TSHZ3: variants seen among roughly 807,000 people sequenced by gnomAD.
TSHZ3 encodes the protein teashirt homolog 3.
Under a neutral mutation model 64.5 loss-of-function variants are expected in TSHZ3, and 10 were observed. The ratio of observed to expected loss-of-function variants is 0.16; its 90% CI spans 0.10 to 0.26. The LOEUF (loss-of-function observed/expected upper bound fraction) is 0.26. Ranked by LOEUF, TSHZ3 falls within the 10% of genes least tolerant of loss-of-function variation. The pLI is 1.00. For missense variants in TSHZ3, 1,242 were observed against 1,421.7 expected, an observed-to-expected ratio of 0.87 and a Z score of 2.03; for synonymous variants, 608 against 593.1, an observed-to-expected ratio of 1.03 and a Z score of -0.36.
At chr19:31,348,410 GA>G (rs2021578221) in intron 1 of TSHZ3, among the ~76,000 whole-genome samples, 1 of 117,672 alleles carries the variant, frequency 8.5e-6, no homozygotes, top group Non-Finnish European at 1.8e-5. Flanking sequence ...TTCCAGAAAA[GA>G]AAAGAAAAAA....
intron 1 of TSHZ3, among the ~76,000 whole-genome samples, chr19:31,310,337 T>A (rs944502779): frequency 3.3e-5 from 5 of 152,052 alleles, no homozygotes; most frequent in Non-Finnish European, 7.4e-5. Flanking sequence ...CAGTCTTCCT[T>A]CATCTTCCTA....
chr19:31,158,708 C>G (rs562618125), intron 5 of TSHZ3, among the ~76,000 whole-genome samples: 2 of 152,082 alleles, frequency 1.3e-5, no homozygotes, highest in Admixed American at 6.6e-5. Context: ...TCAGTGGGAG[C>G]CCTGAACTCA....
intron 5 of TSHZ3, among the ~76,000 whole-genome samples, chr19:31,176,513 A>T (rs1213760105): frequency 6.6e-6 from 1 of 152,210 alleles, no homozygotes; most frequent in Non-Finnish European, 1.5e-5. Context: ...AACCACAATG[A>T]GTCCAAGCAT....
exon 7 of TSHZ3, among the ~76,000 whole-genome samples, chr19:31,150,040 T>C (rs1029365096): frequency 1.3e-5 from 2 of 152,152 alleles, no homozygotes; most frequent in Admixed American, 6.5e-5. Context: ...ACAGATGAAA[T>C]CATGTGGAGG....
At position 31,343,327 on chromosome 19, in the gene TSHZ3, A is replaced by T. The variant is rs146555869; in HGVS notation, c.40+5853T>A. 2.6e-5 allele frequency among the ~76,000 whole-genome samples: 4 copies of T among 152,350 alleles called. No individual in the cohort carries two copies. In the East Asian group the frequency reaches 7.7e-4, roughly 29 times the overall value. On this transcript the variant is annotated intron_variant, in intron 1 of 1. Transcript: ENST00000240587. ...AGGTAAGGAGATGGTTAAAATGTCCAGGTAACGTGACCTTCAGTGAACTAC... is the reference window on the plus strand; with the variant it reads ...AGGTAAGGAGATGGTTAAAATGTCCTGGTAACGTGACCTTCAGTGAACTAC...
intron 1 of TSHZ3, among the ~76,000 whole-genome samples, chr19:31,310,436 G>C (rs1006415939): frequency 1.3e-5 from 2 of 152,150 alleles, no homozygotes; most frequent in Admixed American, 1.3e-4. Context: ...GTCCAGGGTG[G>C]TCTGCAAGTA....
intron 5 of TSHZ3, among the ~76,000 whole-genome samples, chr19:31,186,346 T>G (rs1178768227): frequency 1.3e-5 from 2 of 152,154 alleles, no homozygotes; most frequent in Non-Finnish European, 2.9e-5. Context: ...AATAGAATCA[T>G]GGGGGGCGGT....
At chr19:31,313,634 G>A (rs1020076837) in intron 1 of TSHZ3, among the ~76,000 whole-genome samples, 1 of 152,228 alleles carries the variant, frequency 6.6e-6, no homozygotes, top group Non-Finnish European at 1.5e-5. Context: ...CCAGGAAACA[G>A]GCAGCGACAT....
chr19:31,259,652 A>T (rs1009456277), intron 1 of TSHZ3, among the ~76,000 whole-genome samples: 5 of 136,816 alleles, frequency 3.7e-5, no homozygotes, highest in African/African-American at 1.1e-4. Context: ...TGCTGGAAAT[A>T]AAAAAAAAAA....
At chr19:31,332,874 G>A (rs1220843767) in intron 1 of TSHZ3, among the ~76,000 whole-genome samples, 1 of 152,016 alleles carries the variant, frequency 6.6e-6, no homozygotes, top group East Asian at 1.9e-4. Flanking sequence ...TGGAGACCGA[G>A]GAGGGTAGAC....
chr19:31,187,955 G>T (rs1271540114), intron 5 of TSHZ3, among the ~76,000 whole-genome samples: 1 of 151,992 alleles, frequency 6.6e-6, no homozygotes, highest in Non-Finnish European at 1.5e-5. Flanking sequence ...TCAAAGAGAA[G>T]TCTGCTGGAA....
chr19:31,281,278 A>G (rs994723685), intron 1 of TSHZ3, among the ~76,000 whole-genome samples: 1 of 152,138 alleles, frequency 6.6e-6, no homozygotes, highest in Non-Finnish European at 1.5e-5. Flanking sequence ...AGTCCCTTGA[A>G]GTCAAGCAGA....
chr19:31,243,224 C>G (rs1037874983), intron 1 of TSHZ3, among the ~76,000 whole-genome samples: 9 of 152,148 alleles, frequency 5.9e-5, no homozygotes, highest in African/African-American at 2.2e-4. Context: ...TACTTCATAC[C>G]TGTCATTGAT....
chr19:31,324,764 G>A (rs1175276319), intron 1 of TSHZ3, among the ~76,000 whole-genome samples: 1 of 152,146 alleles, frequency 6.6e-6, no homozygotes, highest in Non-Finnish European at 1.5e-5. Context: ...CAAGTCCAGA[G>A]GGGAAAACCC....
At chr19:31,260,085 C>T (rs1975965718) in intron 1 of TSHZ3, among the ~76,000 whole-genome samples, 1 of 152,184 alleles carries the variant, frequency 6.6e-6, no homozygotes, top group South Asian at 2.1e-4. Flanking sequence ...AGAGGGCAGA[C>T]ATGGGCCTCC....
chr19:31,253,193 G>A (rs904086203), intron 1 of TSHZ3, among the ~76,000 whole-genome samples: 1 of 152,300 alleles, frequency 6.6e-6, no homozygotes, highest in Admixed American at 6.5e-5. Context: ...AGGGACAGGG[G>A]TAGTTGGGGT....
chr19:31,160,723 TAC>T (rs559926545), intron 5 of TSHZ3, among the ~76,000 whole-genome samples: 1 of 151,544 alleles, frequency 6.6e-6, no homozygotes, highest in African/African-American at 2.4e-5. Context: ...TATATACACA[TAC>T]ACACACGTAT....
At chr19:31,208,727 T>G (rs1975220562) in intron 4 of TSHZ3, among the ~76,000 whole-genome samples, 1 of 152,234 alleles carries the variant, frequency 6.6e-6, no homozygotes, top group Non-Finnish European at 1.5e-5. Flanking sequence ...CCACAAGTCG[T>G]GGCTTTCCCA....
chr19:31,317,936 G>A (rs1305148859), intron 1 of TSHZ3, among the ~76,000 whole-genome samples: 6 of 152,268 alleles, frequency 3.9e-5, no homozygotes, highest in South Asian at 2.1e-4. Context: ...GTGAACATTC[G>A]GCTGCAGGAC....
Sources: allele counts gnomAD v4.1 joint callset (sites outside exome capture counted in the v4.1 genomes callset), GRCh38; gene constraint gnomAD v4.1.1; transcripts MANE v1.5; gene names NCBI Gene and HGNC (gene_info 2026-07-23, HGNC 2026-07-21).